Variants in LRRC4C observed in about 807,000 individuals in gnomAD.
LRRC4C encodes the protein leucine-rich repeat-containing protein 4C.
In LRRC4C, 5 loss-of-function variants were observed where a neutral mutation model predicts 33.6. That is an observed-to-expected ratio of 0.15 (90% confidence interval 0.08 to 0.31). The LOEUF (loss-of-function observed/expected upper bound fraction) is 0.31. LRRC4C is among the 10% of genes least tolerant of loss of function. LRRC4C has a pLI of 1.00. For synonymous variants in LRRC4C, 329 were observed against 302.0 expected (o/e 1.09, Z -0.93); for missense variants, 560 against 796.7 (o/e 0.70, Z 3.58).
intron 2 of LRRC4C, among the ~76,000 whole-genome samples, chr11:40,912,549 C>G (rs1279200037): frequency 6.6e-6 from 1 of 152,178 alleles, no homozygotes. Context: ...GAAGGAAGCG[C>G]TAAACATGGA....
intron 1 of LRRC4C, among the ~76,000 whole-genome samples, chr11:41,349,785 A>G (rs567719061): frequency 1.3e-5 from 2 of 152,326 alleles, no homozygotes; most frequent in East Asian, 3.9e-4. Context: ...AAACAGCCAC[A>G]CTAGGTCCCC....
intron 3 of LRRC4C, among the ~76,000 whole-genome samples, chr11:40,581,153 T>G (rs1367039865): frequency 6.6e-6 from 1 of 152,264 alleles, no homozygotes; most frequent in African/African-American, 2.4e-5. Flanking sequence ...TTGGTAAATC[T>G]GAACTGGCTA....
intron 1 of LRRC4C, among the ~76,000 whole-genome samples, chr11:41,189,406 G>C (rs1945847463): frequency 6.6e-6 from 1 of 152,062 alleles, no homozygotes. Context: ...CCAAGAGAAG[G>C]GCAATGTGAC....
chr11:40,492,780 G>C lies in LRRC4C; in HGVS notation c.-270+155362C>G, dbSNP rs535151127. Among the ~76,000 whole-genome samples the C allele has an allele frequency of 3.9e-5, 6 of 152,230 alleles. No homozygotes were observed. The East Asian group carries it at 1.2e-3, about 29-fold the overall frequency. On this transcript the variant is annotated intron_variant, in intron 3 of 6. Transcript: ENST00000528697. ...GGCTTTACCTATGCCTCACCTGCAA[G>C]AGTATTCTGTCTTTCTCTATATATA... is the stretch of plus-strand genomic sequence containing the variant.
At chr11:40,129,801 A>G (rs1270120815) in intron 6 of LRRC4C, among the ~76,000 whole-genome samples, 6 of 152,248 alleles carry the variant, frequency 3.9e-5, no homozygotes, top group African/African-American at 1.4e-4. Flanking sequence ...AGAATAGGCA[A>G]GGGACTGGGG....
intron 1 of LRRC4C, among the ~76,000 whole-genome samples, chr11:41,230,923 A>AC (rs397804360): frequency 2.7e-5 from 4 of 150,200 alleles, no homozygotes; most frequent in Non-Finnish European, 5.9e-5. Context: ...AAAAAAAAAA[A>AC]CCAAACAACC....
At chr11:40,246,715 T>G (rs527464752) in intron 4 of LRRC4C, among the ~76,000 whole-genome samples, 17 of 152,278 alleles carry the variant, frequency 1.1e-4, no homozygotes, top group African/African-American at 4.1e-4. Flanking sequence ...TAAAAGCATA[T>G]TTTTTTCATC....
intron 1 of LRRC4C, among the ~76,000 whole-genome samples, chr11:41,031,117 G>A (rs1856704915): frequency 6.6e-6 from 1 of 151,930 alleles, no homozygotes; most frequent in South Asian, 2.1e-4. Context: ...TCACGTGGCT[G>A]CTTAGAGCTG....
intron 1 of LRRC4C, among the ~76,000 whole-genome samples, chr11:41,087,472 G>A (rs905929628): frequency 6.6e-6 from 1 of 151,870 alleles, no homozygotes; most frequent in African/African-American, 2.4e-5. Context: ...CATCTTCATT[G>A]CAATTGCAAT....
chr11:41,109,915 T>A (rs1941731101), intron 1 of LRRC4C, among the ~76,000 whole-genome samples: 1 of 152,076 alleles, frequency 6.6e-6, no homozygotes, highest in African/African-American at 2.4e-5. Flanking sequence ...TTGCTTTTTC[T>A]TCGAGATCAT....
chr11:40,750,800 A>C (rs1398693909), intron 2 of LRRC4C, among the ~76,000 whole-genome samples: 1 of 121,192 alleles, frequency 8.3e-6, no homozygotes, highest in Non-Finnish European at 1.8e-5. Context: ...CTTAAAGTAT[A>C]ATAAAAAGAA....
intron 3 of LRRC4C, among the ~76,000 whole-genome samples, chr11:40,500,838 C>T (rs1954729653): frequency 6.6e-6 from 1 of 152,062 alleles, no homozygotes; most frequent in Admixed American, 6.6e-5. Flanking sequence ...CCCAACAGTC[C>T]CCCAAAGTCT....
At chr11:40,252,499 T>C (rs1326501870) in intron 4 of LRRC4C, among the ~76,000 whole-genome samples, 1 of 152,082 alleles carries the variant, frequency 6.6e-6, no homozygotes, top group Non-Finnish European at 1.5e-5. Flanking sequence ...TTGATAGGGA[T>C]GTGAAAAGGT....
At chr11:41,202,473 A>G (rs1011662892) in intron 1 of LRRC4C, among the ~76,000 whole-genome samples, 5 of 152,176 alleles carry the variant, frequency 3.3e-5, no homozygotes, top group Non-Finnish European at 5.9e-5. Flanking sequence ...AGTATTCTCT[A>G]TATATCAGAC....
chr11:40,463,925 A>G (rs1260633464), intron 3 of LRRC4C, among the ~76,000 whole-genome samples: 3 of 152,080 alleles, frequency 2.0e-5, no homozygotes, highest in African/African-American at 7.2e-5. Context: ...CTGTTGTAAA[A>G]TATCAACAAG....
chr11:40,602,910 G>A (rs563535596), intron 3 of LRRC4C, among the ~76,000 whole-genome samples: 11 of 152,230 alleles, frequency 7.2e-5, no homozygotes, highest in African/African-American at 2.4e-4. Context: ...TCCTGAATCT[G>A]CCTTTGTCTA....
chr11:40,194,936 A>G (rs184718560), intron 5 of LRRC4C, among the ~76,000 whole-genome samples: 1 of 143,850 alleles, frequency 7.0e-6, no homozygotes, highest in African/African-American at 2.5e-5. Flanking sequence ...AAAAAAAAAC[A>G]AACAATTAGC....
intron 3 of LRRC4C, among the ~76,000 whole-genome samples, chr11:40,429,484 G>C (rs956555337): frequency 6.6e-6 from 1 of 151,686 alleles, no homozygotes; most frequent in Non-Finnish European, 1.5e-5. Context: ...ACTTCTTTTA[G>C]ACTAAGAACT....
chr11:41,298,562 G>T (rs2958864), intron 1 of LRRC4C, among the ~76,000 whole-genome samples: 82,945 of 151,828 alleles, frequency 0.55, 23,667 homozygotes, highest in Middle Eastern at 0.65. Flanking sequence ...TCTAAACGTA[G>T]GGCCTATGAG....
Sources: gnomAD v4.1 joint callset for allele counts (sites outside exome capture counted in the v4.1 genomes callset) on GRCh38, gnomAD v4.1.1 for gene constraint, MANE v1.5 for transcripts, NCBI Gene and HGNC (gene_info 2026-07-23, HGNC 2026-07-21) for gene names.